The following GRID2 variants were observed in gnomAD, a reference collection of about 807,000 sequenced individuals.
GRID2 encodes glutamate ionotropic receptor delta type subunit 2.
Under a neutral mutation model 114.8 loss-of-function variants are expected in GRID2, and 33 were observed. That is an observed-to-expected ratio of 0.29 (90% CI 0.22 to 0.38). The LOEUF (loss-of-function observed/expected upper bound fraction) is 0.38. Ranked by LOEUF, GRID2 falls within the 10% of genes least tolerant of loss-of-function variation. The probability of loss-of-function intolerance (pLI) is 1.00; values close to 1 mark genes in which losing one functional copy is unlikely to be tolerated. For synonymous variants in GRID2, 505 were observed against 449.9 expected (o/e 1.12, Z -1.55); for missense variants, 1,184 against 1,257.7 (o/e 0.94, Z 0.89).
At chr4:92,607,640 T>C (rs1458262404) in intron 2 of GRID2, among the ~76,000 whole-genome samples, 1 of 151,842 alleles carries the variant, frequency 6.6e-6, no homozygotes, top group Non-Finnish European at 1.5e-5. Context: ...ACTCATTAAA[T>C]AAGTGCTAAT....
At chr4:92,636,633 G>A (rs541542249) in intron 2 of GRID2, among the ~76,000 whole-genome samples, 16 of 151,932 alleles carry the variant, frequency 1.1e-4, no homozygotes, top group African/African-American at 2.9e-4. Context: ...TTTCCATTTC[G>A]TCAGACTTCA....
rs560159530 is a variant in GRID2 at position 92,960,011 on chromosome 4, A to G, written c.245-124984A>G. Among the ~76,000 whole-genome samples, 4 of 152,188 alleles carry G rather than the reference A, an allele frequency of 2.6e-5. No homozygotes were observed. The South Asian group carries it at 8.3e-4, about 32-fold the overall frequency. On this transcript the variant is annotated intron_variant, in intron 2 of 15. Transcript: ENST00000282020. ...CCAGAACTTAAAGTATAATTTAAAA[A>G]AAAAGGAGAGAAGAGAAAAAAAGGG...
At chr4:92,581,807 A>G (rs1420633531) in intron 1 of GRID2, among the ~76,000 whole-genome samples, 2 of 152,084 alleles carry the variant, frequency 1.3e-5, no homozygotes, top group Non-Finnish European at 2.9e-5. Flanking sequence ...AATATTTCGG[A>G]CACTAGCTAA....
At chr4:92,681,803 A>G (rs1173800352) in intron 2 of GRID2, among the ~76,000 whole-genome samples, 32 of 152,192 alleles carry the variant, frequency 2.1e-4, no homozygotes, top group Non-Finnish European at 4.4e-4. Flanking sequence ...TGGTTTGTTG[A>G]TTTAAAAATG....
chr4:93,500,654 A>G (rs1297398474), intron 12 of GRID2, among the ~76,000 whole-genome samples: 1 of 151,972 alleles, frequency 6.6e-6, no homozygotes, highest in Non-Finnish European at 1.5e-5. Context: ...CAAAAATCTG[A>G]TGCATCTGCA....
At chr4:92,402,492 T>C (rs1314838329) in intron 1 of GRID2, among the ~76,000 whole-genome samples, 1 of 152,204 alleles carries the variant, frequency 6.6e-6, no homozygotes, top group African/African-American at 2.4e-5. Flanking sequence ...ATGGATATTG[T>C]GTTAGCAGGC....
intron 13 of GRID2, among the ~76,000 whole-genome samples, chr4:93,605,328 C>T (rs977037208): frequency 6.6e-6 from 1 of 152,196 alleles, no homozygotes; most frequent in East Asian, 1.9e-4. Context: ...ACAGCATAGA[C>T]ATAGAACACT....
chr4:93,215,509 A>T (rs1744101991), intron 5 of GRID2, among the ~76,000 whole-genome samples: 1 of 152,044 alleles, frequency 6.6e-6, no homozygotes, highest in South Asian at 2.1e-4. Context: ...TTTGGTGGCC[A>T]GTGAAATGAC....
intron 1 of GRID2, among the ~76,000 whole-genome samples, chr4:92,435,276 T>G (rs1732682738): frequency 6.6e-6 from 1 of 152,144 alleles, no homozygotes; most frequent in Non-Finnish European, 1.5e-5. Context: ...TCAACCTGAG[T>G]GTAGCTTTGT....
At chr4:93,218,552 G>A (rs1204141202) in intron 6 of GRID2, among the ~76,000 whole-genome samples, 1 of 152,096 alleles carries the variant, frequency 6.6e-6, no homozygotes, top group Admixed American at 6.6e-5. Flanking sequence ...AGCATCATAA[G>A]TACTCATAAC....
chr4:92,748,805 G>T (rs1737287327), intron 2 of GRID2, among the ~76,000 whole-genome samples: 1 of 150,782 alleles, frequency 6.6e-6, no homozygotes, highest in South Asian at 2.1e-4. Context: ...GGGATTACAG[G>T]CACACACCAC....
chr4:93,541,709 G>C (rs1212034636), intron 13 of GRID2, among the ~76,000 whole-genome samples: 1 of 152,116 alleles, frequency 6.6e-6, no homozygotes, highest in Non-Finnish European at 1.5e-5. Context: ...AGTACGGTTT[G>C]GGAGTTGCTC....
chr4:93,009,279 G>A (rs1165717593), intron 2 of GRID2, among the ~76,000 whole-genome samples: 1 of 152,074 alleles, frequency 6.6e-6, no homozygotes, highest in Non-Finnish European at 1.5e-5. Flanking sequence ...GCAGCCCTCA[G>A]TAGTTTCTTA....
At chr4:93,505,410 T>G (rs1034045998) in intron 12 of GRID2, among the ~76,000 whole-genome samples, 2 of 151,826 alleles carry the variant, frequency 1.3e-5, no homozygotes, top group South Asian at 4.1e-4. Flanking sequence ...ATGCTGACCA[T>G]AAAATTTAGG....
chr4:92,961,148 A>G (rs1286270248), intron 2 of GRID2, among the ~76,000 whole-genome samples: 1 of 151,912 alleles, frequency 6.6e-6, no homozygotes, highest in African/African-American at 2.4e-5. Flanking sequence ...GTAAGCATAC[A>G]CATATATATG....
chr4:92,773,717 T>C (rs1738646647), intron 2 of GRID2, among the ~76,000 whole-genome samples: 2 of 152,188 alleles, frequency 1.3e-5, no homozygotes, highest in Middle Eastern at 3.4e-3. Flanking sequence ...TTGTTTTATC[T>C]ATCTATTTTA....
intron 2 of GRID2, among the ~76,000 whole-genome samples, chr4:93,079,150 A>C (rs1729628371): frequency 6.6e-6 from 1 of 151,740 alleles, no homozygotes; most frequent in African/African-American, 2.4e-5. Flanking sequence ...ATAAAAATAA[A>C]GTAATATTTC....
chr4:92,313,737 A>G (rs1453256350), intron 1 of GRID2, among the ~76,000 whole-genome samples: 3 of 152,126 alleles, frequency 2.0e-5, no homozygotes, highest in Non-Finnish European at 2.9e-5. Context: ...AATTGTATGT[A>G]TGCAAATGGA....
At chr4:93,022,755 A>T (rs868097355) in intron 2 of GRID2, among the ~76,000 whole-genome samples, 2 of 151,920 alleles carry the variant, frequency 1.3e-5, no homozygotes, top group African/African-American at 4.8e-5. Context: ...GTGAACTACT[A>T]AAGTATTATG....
Sources: gnomAD v4.1 joint callset for allele counts (sites outside exome capture counted in the v4.1 genomes callset) on GRCh38, gnomAD v4.1.1 for gene constraint, MANE v1.5 for transcripts, NCBI Gene and HGNC (gene_info 2026-07-23, HGNC 2026-07-21) for gene names.